Variants in FBXL7 observed in about 807,000 individuals in gnomAD.
FBXL7 encodes F-box/LRR-repeat protein 7.
In FBXL7, 12 loss-of-function variants were observed where a neutral mutation model predicts 38.3. That is an observed-to-expected ratio of 0.31 (90% CI 0.20 to 0.51). FBXL7 has a LOEUF of 0.51. Ranked by LOEUF, FBXL7 falls within the 20% of genes least tolerant of loss-of-function variation. The pLI is 0.98. For missense variants in FBXL7, 567 were observed against 676.4 expected, an observed-to-expected ratio of 0.84 and a Z score of 1.79; for synonymous variants, 297 against 300.9, an observed-to-expected ratio of 0.99 and a Z score of 0.13.
At chr5:15,654,084 G>C (rs1741795349) in intron 2 of FBXL7, among the ~76,000 whole-genome samples, 1 of 152,162 alleles carries the variant, frequency 6.6e-6, no homozygotes, top group Non-Finnish European at 1.5e-5. Context: ...CTTTGTTTGA[G>C]CCAAACAAAT....
intron 2 of FBXL7, among the ~76,000 whole-genome samples, chr5:15,655,266 C>T (rs369985749): frequency 5.3e-5 from 8 of 152,156 alleles, no homozygotes; most frequent in Admixed American, 1.3e-4. Flanking sequence ...GAGGCCGTGG[C>T]GGGTGAATCA....
chr5:15,501,748 G>T (rs2126339553), intron 1 of FBXL7: 2 of 985,424 alleles, frequency 2.0e-6, no homozygotes, highest in Non-Finnish European at 2.4e-6. Context: ...TCGTTTCTCA[G>T]CAGTTTTGTG....
chr5:15,838,014 G>A (rs947272533), intron 2 of FBXL7, among the ~76,000 whole-genome samples: 14 of 152,140 alleles, frequency 9.2e-5, no homozygotes, highest in African/African-American at 3.4e-4. Flanking sequence ...TGCTTCTGTG[G>A]AGTTGGGTTG....
chr5:15,860,199 T>A (rs1176056483), intron 2 of FBXL7, among the ~76,000 whole-genome samples: 1 of 152,218 alleles, frequency 6.6e-6, no homozygotes, highest in Non-Finnish European at 1.5e-5. Flanking sequence ...TCAAACAATT[T>A]ATTGGTAACA....
chr5:15,795,305 G>A (rs1003264954), intron 2 of FBXL7, among the ~76,000 whole-genome samples: 1 of 152,152 alleles, frequency 6.6e-6, no homozygotes, highest in African/African-American at 2.4e-5. Flanking sequence ...CTAGCAAGAT[G>A]TTTTCCGTAT....
intron 1 of FBXL7, among the ~76,000 whole-genome samples, chr5:15,528,387 G>A (rs575195481): frequency 1.3e-5 from 2 of 152,220 alleles, no homozygotes; most frequent in African/African-American, 4.8e-5. Context: ...CTCACATTCT[G>A]TATTGGTCCA....
intron 2 of FBXL7, among the ~76,000 whole-genome samples, chr5:15,815,479 G>A (rs1277454161): frequency 1.3e-5 from 2 of 152,124 alleles, no homozygotes; most frequent in Non-Finnish European, 2.9e-5. Flanking sequence ...CAGAGTGGGG[G>A]TTCGTGAATT....
At chr5:15,612,726 C>T (rs1294732975) in intron 1 of FBXL7, among the ~76,000 whole-genome samples, 2 of 152,102 alleles carry the variant, frequency 1.3e-5, no homozygotes, top group Admixed American at 1.3e-4. Context: ...CAGTCAGACT[C>T]AGTGAAGGCC....
intron 1 of FBXL7, among the ~76,000 whole-genome samples, chr5:15,516,990 G>T (rs944362374): frequency 1.3e-5 from 2 of 151,996 alleles, no homozygotes. Flanking sequence ...CTAATACATA[G>T]ATATTGGGTT....
At chr5:15,886,216 T>C (rs1740670564) in intron 2 of FBXL7, among the ~76,000 whole-genome samples, 1 of 152,038 alleles carries the variant, frequency 6.6e-6, no homozygotes, top group Admixed American at 6.6e-5. Flanking sequence ...TTGAGGTGTG[T>C]GTGTGTGTGT....
At chr5:15,656,443 C>A (rs1168913106) in intron 2 of FBXL7, among the ~76,000 whole-genome samples, 1 of 152,126 alleles carries the variant, frequency 6.6e-6, no homozygotes, top group Non-Finnish European at 1.5e-5. Context: ...TCCCGTCTTA[C>A]ATGGATGGCA....
chr5:15,906,117 T>C (rs1405578191), intron 2 of FBXL7, among the ~76,000 whole-genome samples: 1 of 152,018 alleles, frequency 6.6e-6, no homozygotes, highest in Non-Finnish European at 1.5e-5. Flanking sequence ...TAAATAAAGA[T>C]CATCGCCAAC....
At chr5:15,502,246 C>G (rs1736514166) in intron 1 of FBXL7, among the ~76,000 whole-genome samples, 1 of 151,918 alleles carries the variant, frequency 6.6e-6, no homozygotes, top group Admixed American at 6.6e-5. Context: ...TGAACAATCC[C>G]CTGCCCCCAC....
intron 1 of FBXL7, among the ~76,000 whole-genome samples, chr5:15,516,994 T>A (rs1054805535): frequency 1.3e-5 from 2 of 152,086 alleles, no homozygotes; most frequent in African/African-American, 4.8e-5. Flanking sequence ...TACATAGATA[T>A]TGGGTTTTTT....
At chr5:15,553,712 A>T (rs1464042383) in intron 1 of FBXL7, among the ~76,000 whole-genome samples, 1 of 152,232 alleles carries the variant, frequency 6.6e-6, no homozygotes, top group African/African-American at 2.4e-5. Context: ...TAAAAAATCC[A>T]AAGCAAAGGA....
chr5:15,657,368 C>T lies in FBXL7; in HGVS notation c.127+41296C>T, dbSNP rs145759744. On this transcript the variant is annotated intron_variant, in intron 2 of 3. Coordinates refer to ENST00000504595, the MANE Select transcript of FBXL7 (RefSeq NM_012304.5). ...CTTGATGTTAAAATCTTATATAAAA[C>T]TACTTTAAACAAGAAAACATAGTAC... Among the ~76,000 whole-genome samples, 441 of 152,188 alleles carry T rather than the reference C, an allele frequency of 2.9e-3. 2 individuals carry two copies. Among genetic ancestry groups the T allele is most frequent in the African/African-American group, 0.01 (420 of 41,506 alleles).
intron 2 of FBXL7, among the ~76,000 whole-genome samples, chr5:15,732,538 A>T (rs898458370): frequency 6.6e-6 from 1 of 152,128 alleles, no homozygotes. Flanking sequence ...AGCATGTGGG[A>T]TGCAGAATGT....
At chr5:15,557,469 G>A (rs546975220) in intron 1 of FBXL7, among the ~76,000 whole-genome samples, 2 of 152,330 alleles carry the variant, frequency 1.3e-5, no homozygotes, top group South Asian at 4.1e-4. Flanking sequence ...TCATTTTAAT[G>A]TGATATCCTA....
intron 2 of FBXL7, among the ~76,000 whole-genome samples, chr5:15,660,378 T>C (rs927379548): frequency 7.9e-5 from 12 of 152,218 alleles, no homozygotes; most frequent in African/African-American, 2.4e-4. Context: ...TCTTTTGAGA[T>C]GGAGCTTCGC....
Sources: allele counts gnomAD v4.1 joint callset (sites outside exome capture counted in the v4.1 genomes callset), GRCh38; gene constraint gnomAD v4.1.1; transcripts MANE v1.5; gene names NCBI Gene and HGNC (gene_info 2026-07-23, HGNC 2026-07-21).